The following UTP20 variants were observed in gnomAD, a reference collection of about 807,000 sequenced individuals.
UTP20 encodes small subunit processome component 20 homolog.
Under a neutral mutation model 329.5 loss-of-function variants are expected in UTP20, and 164 were observed. The ratio of observed to expected loss-of-function variants is 0.50; its 90% CI spans 0.44 to 0.57. The LOEUF (loss-of-function observed/expected upper bound fraction) is 0.57, where lower values mean the gene tolerates loss of function less well. UTP20 is among the 20% of genes least tolerant of loss of function. The pLI is 0.00. For missense variants in UTP20, 3,055 were observed against 3,284.2 expected, an observed-to-expected ratio of 0.93 and a Z score of 1.71; for synonymous variants, 1,151 against 1,159.3, an observed-to-expected ratio of 0.99 and a Z score of 0.14.
intron 30 of UTP20, 48 bp downstream of exon 30, chr12:101,338,325 A>C: frequency 6.3e-7 from 1 of 1,583,898 alleles, no homozygotes; most frequent in Admixed American, 1.7e-5. Context: ...TGCTGTAGCA[A>C]TTGTTTCCTT....
At chr12:101,304,213 A>T (rs575004338) in intron 15 of UTP20, among the ~76,000 whole-genome samples, 49 of 152,264 alleles carry the variant, frequency 3.2e-4, no homozygotes, top group African/African-American at 1.0e-3. Context: ...TAGTAGACTG[A>T]TGAGCACCTA....
intron 56 of UTP20, among the ~76,000 whole-genome samples, chr12:101,378,314 T>C (rs1394393991): frequency 6.6e-6 from 1 of 152,180 alleles, no homozygotes; most frequent in Admixed American, 6.5e-5. Flanking sequence ...CCCTGGCATA[T>C]AGAAAACCTT....
At chr12:101,359,782 C>T (rs1869852638) in intron 43 of UTP20, among the ~76,000 whole-genome samples, 2 of 152,160 alleles carry the variant, frequency 1.3e-5, no homozygotes, top group Admixed American at 1.3e-4. Flanking sequence ...CCATGTGCCT[C>T]CTGCAGCTGT....
chr12:101,329,534 G>A lies in UTP20; in HGVS notation c.3417+85G>A, dbSNP rs1486212754. The A allele has an allele frequency of 4.5e-6, 6 of 1,335,130 alleles. No homozygotes were observed. The African/African-American group carries it at 7.3e-5, about 16-fold the overall frequency. The allele number at this position is 1,335,130 out of a possible 1,614,324, so 82.7% of individuals were successfully genotyped here. A position where few individuals can be genotyped will look rare whatever the true frequency, so the allele number is the denominator to read the frequency against. On this transcript the variant is annotated intron_variant, in intron 27 of 61. Transcript: ENST00000261637. ...AATTCCAAGAGCCTAGAAGTATAAGGTATCTTCCAACTCTCATTTCAAGTT... is the reference window on the plus strand; with the variant it reads ...AATTCCAAGAGCCTAGAAGTATAAGATATCTTCCAACTCTCATTTCAAGTT...
At chr12:101,301,063 T>A (rs1872508583) in intron 14 of UTP20, among the ~76,000 whole-genome samples, 2 of 152,184 alleles carry the variant, frequency 1.3e-5, no homozygotes, top group African/African-American at 4.8e-5. Context: ...TATATTTTTT[T>A]AAACAACCCC....
At chr12:101,349,600 G>T (rs1179778460) in intron 38 of UTP20, among the ~76,000 whole-genome samples, 1 of 151,774 alleles carries the variant, frequency 6.6e-6, no homozygotes, top group Admixed American at 6.6e-5. Context: ...CTTGACTCTT[G>T]ACTAATTTTA....
At chr12:101,290,625 TC>T in intron 7 of UTP20, 107 bp from the exon 8 acceptor site, 1 of 1,289,728 alleles carries the variant, frequency 7.8e-7, no homozygotes, top group Non-Finnish European at 1.0e-6. Context: ...CCTTGACTAT[TC>T]CAGACCTGAT....
intron 43 of UTP20, among the ~76,000 whole-genome samples, chr12:101,360,230 A>G (rs1270640250): frequency 6.6e-6 from 1 of 152,150 alleles, no homozygotes; most frequent in Non-Finnish European, 1.5e-5. Flanking sequence ...ACCTCCACCA[A>G]AAGGTTTTTT....
Position 101,286,312 on chromosome 12 carries a change from T to G in UTP20, c.327-9T>G. The G allele has an allele frequency of 6.4e-7, 1 of 1,558,594 alleles. No individual in the cohort carries two copies. The highest frequency in any genetic ancestry group is 8.7e-7 in the Non-Finnish European group (1 of 1,154,538). On this transcript the variant is annotated splice_polypyrimidine_tract_variant and intron_variant, in intron 4 of 61. Transcript: ENST00000261637. Reference sequence around the variant, plus strand: ...TCCACATGATCAGTTGCTTCTTTTTTTAATCCAGTTTGGTTGTACAGTTGG... The same window carrying G: ...TCCACATGATCAGTTGCTTCTTTTTGTAATCCAGTTTGGTTGTACAGTTGG...
chr12:101,312,438 TTTTTG>T (rs1011492568), intron 21 of UTP20, among the ~76,000 whole-genome samples, 162 bp downstream of exon 21: 1 of 152,150 alleles, frequency 6.6e-6, no homozygotes, highest in Non-Finnish European at 1.5e-5. Context: ...TTTGTTTTTG[TTTTTG>T]TTTTGTTTTG....
chr12:101,373,396 C>A lies in UTP20; in HGVS notation c.6879-5C>A. On this transcript the variant is annotated splice_region_variant and splice_polypyrimidine_tract_variant and intron_variant, in intron 52 of 61. Coordinates refer to ENST00000261637, the MANE Select transcript of UTP20 (RefSeq NM_014503.3). ...TAACAAATCCACCTAATGTCCTTCC[C>A]CTAGTTACGAACATGAGACCGGGAG... 6.2e-7 allele frequency: 1 copy of A among 1,613,578 alleles called. No individual in the cohort carries two copies. Among genetic ancestry groups the A allele is most frequent in the Non-Finnish European group, 8.5e-7 (1 of 1,179,554 alleles).
At chr12:101,345,478 G>T in intron 36 of UTP20, 76 bp from the exon 37 acceptor site, 7 of 985,762 alleles carry the variant, frequency 7.1e-6, no homozygotes, top group East Asian at 2.9e-5. Context: ...AAAATTTTAT[G>T]TTTTTTTCTG....
At chr12:101,362,112 C>A (rs1565804810) in intron 44 of UTP20, 52 bp downstream of exon 44, 14 of 1,261,406 alleles carry the variant, frequency 1.1e-5, no homozygotes, top group South Asian at 6.3e-5. Context: ...GCCAACGACA[C>A]AAAAAAATCA....
chr12:101,373,621 C>T lies in UTP20; in HGVS notation c.6985C>T (p.Pro2329Ser), dbSNP rs750411580. 3 of 1,612,210 alleles carry T rather than the reference C, an allele frequency of 1.9e-6. No homozygotes were observed. Among genetic ancestry groups the T allele is most frequent in the Non-Finnish European group, 2.5e-6 (3 of 1,179,540 alleles). Residue 2329 changes from proline (P) to serine (S), a missense_variant, in exon 54 of 62, where the codon CCT (proline) becomes TCT (serine). Coordinates refer to ENST00000261637, the MANE Select transcript of UTP20 (RefSeq NM_014503.3). ...TGAGAACTGCGGAATGTTCTTTATC[C>T]CTCTTTGTCTAATGACGATCAATGA... is the stretch of plus-strand genomic sequence containing the variant. ...LHENCGMFFIPLCLMTINDDS... is the reference protein window; with the variant it reads ...LHENCGMFFISLCLMTINDDS...
Position 101,329,392 on chromosome 12 carries a change from G to A in UTP20, c.3360G>A (p.Leu1120=). The change falls in exon 27 of 62, where the codon TTG becomes TTA. Residue 1120 remains leucine, a synonymous_variant. Coordinates refer to ENST00000261637, the MANE Select transcript of UTP20 (RefSeq NM_014503.3). ...TCAGCGCATACCTGCCGAAGATTTT[G>A]CAGATACTGCTCTGTATGACAGCAA... ...HLISAYLPKI[L]QILLCMTATV... is the part of the protein sequence containing the mutation. The A allele has an allele frequency of 6.2e-7, 1 of 1,614,088 alleles. No individual in the cohort carries two copies. Among genetic ancestry groups the A allele is most frequent in the Non-Finnish European group, 8.5e-7 (1 of 1,180,022 alleles).
At position 101,338,276 on chromosome 12, in the gene UTP20, T is replaced by C. The variant is rs750446341; in HGVS notation, c.3867T>C (p.Gly1289=). 5.3e-5 allele frequency: 86 copies of C among 1,613,466 alleles called. No individual in the cohort carries two copies. Among genetic ancestry groups the C allele is most frequent in the Non-Finnish European group, 7.2e-5 (85 of 1,179,568 alleles). ...ACCCTGGCATAGCAGAAAACATCGGTGGTATGTATGCTGACAAAGCAGATA... is the reference window on the plus strand; with the variant it reads ...ACCCTGGCATAGCAGAAAACATCGGCGGTATGTATGCTGACAAAGCAGATA... ...CVYPGIAENI[G]ESITIGGRLI... is the part of the protein sequence containing the mutation. Residue 1289 remains glycine, a splice_region_variant and synonymous_variant, in exon 30 of 62, where the codon GGT becomes GGC. Coordinates refer to ENST00000261637, the MANE Select transcript of UTP20 (RefSeq NM_014503.3).
chr12:101,347,815 T>C (rs1404200153), intron 38 of UTP20, among the ~76,000 whole-genome samples: 1 of 152,182 alleles, frequency 6.6e-6, no homozygotes, highest in African/African-American at 2.4e-5. Flanking sequence ...TACTTAGCTT[T>C]GGTTGATGTT....
At chr12:101,381,316 C>T (rs939937539) in intron 58 of UTP20, 105 bp downstream of exon 58, 9 of 943,994 alleles carry the variant, frequency 9.5e-6, no homozygotes, top group Admixed American at 5.9e-5. Flanking sequence ...CAGATCACCC[C>T]GAGGTCAGGA....
At chr12:101,321,112 C>T (rs1868362620) in intron 24 of UTP20, among the ~76,000 whole-genome samples, 175 bp downstream of exon 24, 1 of 152,082 alleles carries the variant, frequency 6.6e-6, no homozygotes, top group Admixed American at 6.6e-5. Context: ...GGGTTGTTCT[C>T]CATGATACTA....
Sources: allele counts gnomAD v4.1 joint callset (sites outside exome capture counted in the v4.1 genomes callset), GRCh38; gene constraint gnomAD v4.1.1; transcripts MANE v1.5; gene names NCBI Gene and HGNC (gene_info 2026-07-23, HGNC 2026-07-21).